PADI1: variants seen among roughly 807,000 people sequenced by gnomAD.
PADI1 encodes peptidyl arginine deiminase 1.
Under a neutral mutation model 74.8 loss-of-function variants are expected in PADI1, and 65 were observed. The observed-to-expected ratio is 0.87, with a 90% CI of 0.71 to 1.07. The LOEUF (loss-of-function observed/expected upper bound fraction) is 1.07, where lower values mean the gene tolerates loss of function less well. PADI1 is among the 50% of genes least tolerant of loss of function. The pLI is 0.00. For synonymous variants in PADI1, 371 were observed against 336.2 expected (o/e 1.10, Z -1.13); for missense variants, 943 against 854.0 (o/e 1.10, Z -1.30).
At chr1:17,238,479 C>T in intron 12 of PADI1, 137 bp from the exon 13 acceptor site, 1 of 423,024 alleles carries the variant, frequency 2.4e-6, no homozygotes, top group East Asian at 3.6e-5. Context: ...GCAGACAGTG[C>T]TTTGTGGCTG....
In PADI1 at chr1:17,205,164, G is replaced by A; in HGVS notation, c.-54G>A. ...TTCTTCCTGGCAAAGAAGTGCCCAG[G>A]ACGGGAGCTGGGGAGCCAGGGCTGA... On this transcript the variant is annotated 5_prime_UTR_variant, in exon 1 of 16. Coordinates refer to ENST00000375471, the MANE Select transcript of PADI1 (RefSeq NM_013358.3). 1 of 1,445,018 alleles carries A rather than the reference G, an allele frequency of 6.9e-7. No individual in the cohort carries two copies. The highest frequency in any genetic ancestry group is 1.7e-5 in the Admixed American group (1 of 58,634). The allele number at this position is 1,445,018 out of a possible 1,614,324, so 89.5% of individuals were successfully genotyped here.
chr1:17,242,664 C>T (rs746781269), intron 15 of PADI1, among the ~76,000 whole-genome samples: 1 of 152,186 alleles, frequency 6.6e-6, no homozygotes, highest in African/African-American at 2.4e-5. Context: ...CCATAGGGAA[C>T]ACCCAGTTAA....
intron 1 of PADI1, among the ~76,000 whole-genome samples, chr1:17,221,548 C>G (rs1013919008): frequency 1.3e-5 from 2 of 150,378 alleles, no homozygotes; most frequent in Non-Finnish European, 3.0e-5. Flanking sequence ...CAAGGTGCAG[C>G]ATTAAATGGA....
chr1:17,224,218 AGGTC>A (rs1247080391), intron 3 of PADI1, 145 bp from the exon 4 acceptor site: 1 of 672,126 alleles, frequency 1.5e-6, no homozygotes, highest in East Asian at 2.7e-5. Flanking sequence ...CAAGCCACAG[AGGTC>A]TCCCAAGTGT....
Position 17,216,335 on chromosome 1 carries a change from G to A in PADI1, c.93-5955G>A, listed in dbSNP as rs566125175. Among the ~76,000 whole-genome samples the A allele has an allele frequency of 2.0e-5, 3 of 152,312 alleles. No homozygotes were observed. The East Asian group carries it at 5.8e-4, about 29-fold the overall frequency. On this transcript the variant is annotated intron_variant, in intron 1 of 15. Coordinates refer to ENST00000375471, the MANE Select transcript of PADI1 (RefSeq NM_013358.3). ...TGGAAGCAACTGGTGGCTTGGACAG[G>A]ATGTGAGCTGTGGCAGAGGTGAGAG... is the stretch of plus-strand genomic sequence containing the variant.
rs1414455104 is a variant in PADI1 at position 17,240,767 on chromosome 1, G to A, written c.1758+7G>A. On this transcript the variant is annotated splice_region_variant and intron_variant, in intron 15 of 15. Transcript: ENST00000375471. The stretch of plus-strand genomic sequence containing the variant: ...AGCCTTCTTCCCAGACATGGTGAGA[G>A]CCCTTGTGCAGGGTCCTGCTGGGGG... 2 of 1,613,282 alleles carry A rather than the reference G, an allele frequency of 1.2e-6. No individual in the cohort carries two copies. Among genetic ancestry groups the A allele is most frequent in the Middle Eastern group, 1.7e-4 (1 of 6,060 alleles).
At chr1:17,221,568 T>G (rs2072151926) in intron 1 of PADI1, among the ~76,000 whole-genome samples, 9 of 143,316 alleles carry the variant, frequency 6.3e-5, no homozygotes, top group South Asian at 2.3e-4. Flanking sequence ...AGTGATTGGG[T>G]GGGGGCAGGA....
chr1:17,206,335 G>A (rs1158520610), intron 1 of PADI1, among the ~76,000 whole-genome samples: 1 of 152,228 alleles, frequency 6.6e-6, no homozygotes, highest in African/African-American at 2.4e-5. Flanking sequence ...GTGATCCTCT[G>A]CTCGAGAAGC....
Position 17,219,671 on chromosome 1 carries a change from T to G in PADI1, c.93-2619T>G, listed in dbSNP as rs558702939. 1.3e-4 allele frequency among the ~76,000 whole-genome samples: 19 copies of G among 151,548 alleles called. No homozygotes were observed. The East Asian group carries it at 3.3e-3, about 26-fold the overall frequency. On this transcript the variant is annotated intron_variant, in intron 1 of 15. Coordinates refer to ENST00000375471, the MANE Select transcript of PADI1 (RefSeq NM_013358.3). Reference sequence around the variant, plus strand: ...TCGAGATGAGGACAGAGCGATGGTGTGCAAAGGTGTCCCTGTAGATGGGTG... The same window carrying G: ...TCGAGATGAGGACAGAGCGATGGTGGGCAAAGGTGTCCCTGTAGATGGGTG...
chr1:17,223,998 G>T (rs574770134), intron 3 of PADI1, among the ~76,000 whole-genome samples: 18 of 152,206 alleles, frequency 1.2e-4, no homozygotes, highest in Admixed American at 2.6e-4. Context: ...AGCACGGAAC[G>T]TGCCCCCTTC....
At chr1:17,211,396 T>C (rs1234353900) in intron 1 of PADI1, among the ~76,000 whole-genome samples, 2 of 152,050 alleles carry the variant, frequency 1.3e-5, no homozygotes, top group Non-Finnish European at 2.9e-5. Flanking sequence ...AGGCTGGTCT[T>C]GAACTCCTGA....
At position 17,229,130 on chromosome 1, in the gene PADI1, C is replaced by G. The variant is rs912769850; in HGVS notation, c.929+79C>G. 16 of 837,580 alleles carry G rather than the reference C, an allele frequency of 1.9e-5. No individual in the cohort carries two copies. In the African/African-American group the frequency reaches 2.7e-4, roughly 14 times the overall value. The allele number at this position is 837,580 out of a possible 1,614,324, so 51.9% of individuals were successfully genotyped here. ...CAGAAGCTGCCTCAGGGCTGCGCCC[C>G]TCACTCACACCGACGGATTCATTGC... On this transcript the variant is annotated intron_variant, in intron 8 of 15. Coordinates refer to ENST00000375471, the MANE Select transcript of PADI1 (RefSeq NM_013358.3).
Position 17,238,720 on chromosome 1 carries a change from A to G in PADI1, c.1552+11A>G, listed in dbSNP as rs368732309. The G allele has an allele frequency of 6.3e-6, 9 of 1,435,890 alleles. No individual in the cohort carries two copies. Among genetic ancestry groups the G allele is most frequent in the Non-Finnish European group, 8.5e-6 (9 of 1,063,106 alleles). 88.9% of individuals were successfully genotyped at this position (1,435,890 alleles called of 1,614,324 possible). ...CAGCCCAGTTTGATGGTGAGTGCCA[A>G]TGACCCGGTCACCCCTGGGGGACCC... is the stretch of plus-strand genomic sequence containing the variant. On this transcript the variant is annotated intron_variant, in intron 13 of 15. Transcript: ENST00000375471.
At position 17,244,234 on chromosome 1, in the gene PADI1, G is replaced by T; in HGVS notation, c.1983G>T (p.Met661Ile). Residue 661 changes from methionine (M) to isoleucine (I), a missense_variant, in exon 16 of 16, where the codon ATG becomes ATT. By Grantham distance (10) the Met-to-Ile change is conservative. Coordinates refer to ENST00000375471, the MANE Select transcript of PADI1 (RefSeq NM_013358.3). ...CCTTTCCCTTCAAATGGTGGAACAT[G>T]GTGCCCTGAGCCTGCCCCCACCCGC... ...RKPFPFKWWN[M>I]VP is the part of the protein sequence containing the mutation. The T allele has an allele frequency of 6.2e-7, 1 of 1,613,192 alleles. No homozygotes were observed. Among genetic ancestry groups the T allele is most frequent in the Non-Finnish European group, 8.5e-7 (1 of 1,179,170 alleles).
At chr1:17,240,013 C>G in intron 14 of PADI1, 1 of 523,848 alleles carries the variant, frequency 1.9e-6, no homozygotes, top group Non-Finnish European at 3.4e-6. Context: ...GACCCGGCCC[C>G]ACGCTGGGGC....
chr1:17,233,118 C>T (rs975141586), intron 11 of PADI1, 148 bp downstream of exon 11: 1 of 748,844 alleles, frequency 1.3e-6, no homozygotes, highest in African/African-American at 1.8e-5. Flanking sequence ...ACTCGGCAAC[C>T]TAGGATCTCA....
At chr1:17,209,787 G>A (rs913750058) in intron 1 of PADI1, among the ~76,000 whole-genome samples, 2 of 152,078 alleles carry the variant, frequency 1.3e-5, no homozygotes, top group East Asian at 1.9e-4. Context: ...TGTTTTCTTC[G>A]GAGTGACATC....
intron 15 of PADI1, among the ~76,000 whole-genome samples, 153 bp downstream of exon 15, chr1:17,240,913 G>A (rs1198105311): frequency 6.6e-6 from 1 of 152,146 alleles, no homozygotes; most frequent in Non-Finnish European, 1.5e-5. Context: ...TCCCATCAGT[G>A]GCTCTCAACC....
chr1:17,236,485 T>C (rs2072644026), intron 11 of PADI1, among the ~76,000 whole-genome samples: 1 of 152,172 alleles, frequency 6.6e-6, no homozygotes, highest in South Asian at 2.1e-4. Flanking sequence ...CCAAGCACAG[T>C]GGCCCTCACT....
Sources: allele counts gnomAD v4.1 joint callset (sites outside exome capture counted in the v4.1 genomes callset), GRCh38; gene constraint gnomAD v4.1.1; transcripts MANE v1.5; gene names NCBI Gene and HGNC (gene_info 2026-07-23, HGNC 2026-07-21).